PRDM16: variants seen among roughly 807,000 people sequenced by gnomAD.
The protein encoded by PRDM16 is histone-lysine N-methyltransferase PRDM16.
Under a neutral mutation model 110.6 loss-of-function variants are expected in PRDM16, and 23 were observed. The observed-to-expected ratio is 0.21, with a 90% CI of 0.15 to 0.29. The LOEUF (loss-of-function observed/expected upper bound fraction) is 0.29. Among genes scored for constraint, PRDM16 ranks in the 10% least tolerant of loss-of-function variants. The pLI is 1.00. For missense variants in PRDM16, 1,615 were observed against 1,794.3 expected (o/e 0.90, Z 1.81); for synonymous variants, 799 against 781.8 (o/e 1.02, Z -0.37).
In PRDM16 at chr1:3,175,842, T is replaced by A. The variant is rs796081903; in HGVS notation, c.38-10283T>A. ...GTCAAGGGCAGAGAGGAGCCAGGGT[T>A]GTGTTAATGGAGCTTCACGGCTAGG... is the stretch of plus-strand genomic sequence containing the variant. On this transcript the variant is annotated intron_variant, in intron 1 of 16. Coordinates refer to ENST00000270722, the MANE Select transcript of PRDM16 (RefSeq NM_022114.4). This position sits in a 1 kb window ranked among gnomAD's most constrained non-coding sequence, Gnocchi z 4.8. 1.9e-4 allele frequency among the ~76,000 whole-genome samples: 29 copies of A among 152,262 alleles called. No homozygotes were observed. The highest frequency in any genetic ancestry group is 7.0e-4 in the African/African-American group (29 of 41,548).
At chr1:3,131,173 C>T (rs1643328742) in intron 1 of PRDM16, among the ~76,000 whole-genome samples, 1 of 152,122 alleles carries the variant, frequency 6.6e-6, no homozygotes, top group South Asian at 2.1e-4. Context: ...CCTGATGATC[C>T]ATATCAAATA....
intron 1 of PRDM16, among the ~76,000 whole-genome samples, chr1:3,075,661 C>G (rs1641879771): frequency 6.6e-6 from 1 of 152,274 alleles, no homozygotes; most frequent in Admixed American, 6.5e-5. Context: ...GTGACTATTT[C>G]ATCTCCTCTG....
At position 3,148,078 on chromosome 1, in the gene PRDM16, C is replaced by T. The variant is rs760394410; in HGVS notation, c.38-38047C>T. 2.6e-5 allele frequency among the ~76,000 whole-genome samples: 4 copies of T among 152,156 alleles called. No homozygotes were observed. Among genetic ancestry groups the T allele is most frequent in the Non-Finnish European group, 5.9e-5 (4 of 68,038 alleles). On this transcript the variant is annotated intron_variant, in intron 1 of 16. Transcript: ENST00000270722. The surrounding 1 kb of genome is among the most constrained non-coding windows in gnomAD (Gnocchi z 5.0). ...ATTCAAGTTCGGCCTTTGGCGTCTT[C>T]TCTCGGGGGCCCTCTGTCCGCCTCA...
chr1:3,227,914 CTA>C (rs1419581931), intron 2 of PRDM16, among the ~76,000 whole-genome samples: 7 of 152,354 alleles, frequency 4.6e-5, no homozygotes, highest in South Asian at 4.1e-4. Context: ...GCCAACACCA[CTA>C]TGACCTACAC....
intron 1 of PRDM16, among the ~76,000 whole-genome samples, chr1:3,140,010 C>T (rs533420746): frequency 2.2e-4 from 33 of 152,378 alleles, no homozygotes; most frequent in African/African-American, 4.1e-4. Context: ...TCAGCCCCGG[C>T]GACGCATCTC....
Position 3,291,694 on chromosome 1 carries a change from C to T in PRDM16, c.438+47557C>T, listed in dbSNP as rs556414241. 3.6e-4 allele frequency among the ~76,000 whole-genome samples: 55 copies of T among 152,372 alleles called. 1 individual carries two copies. Among genetic ancestry groups the T allele is most frequent in the African/African-American group, 1.2e-3 (51 of 41,596 alleles). Reference sequence around the variant, plus strand: ...AAGCACCCGTGTTGGGTCAAGGCAGCTCTTGGCAGTGCGGGGGAGCTTGTT... The same window carrying T: ...AAGCACCCGTGTTGGGTCAAGGCAGTTCTTGGCAGTGCGGGGGAGCTTGTT... On this transcript the variant is annotated intron_variant, in intron 3 of 16. Transcript: ENST00000270722.
chr1:3,349,205 C>A (rs369165411), intron 3 of PRDM16, among the ~76,000 whole-genome samples: 1 of 152,202 alleles, frequency 6.6e-6, no homozygotes, highest in South Asian at 2.1e-4. Context: ...GCTGTCTGGG[C>A]GCAGCATTCC....
In PRDM16 at chr1:3,118,384, C is replaced by T. The variant is rs182000148; in HGVS notation, c.37+49088C>T. On this transcript the variant is annotated intron_variant, in intron 1 of 16. Transcript: ENST00000270722. ...GCACCCCCACCTGGCCCCTCGGAAG[C>T]GTGACAGCCATGGAGAGGGGCTCCT... Among the ~76,000 whole-genome samples, 30 of 152,274 alleles carry T rather than the reference C, an allele frequency of 2.0e-4. 1 individual carries two copies. Among genetic ancestry groups the T allele is most frequent in the Middle Eastern group, 3.4e-3 (1 of 292 alleles).
rs551279235 is a variant in PRDM16, at chr1:3,346,292, G to A, written c.439-38860G>A. Reference sequence around the variant, plus strand: ...CAGGACGTCTTGGAGGTGTTTGTGCGTCGAGTTCTGTGTGACATAGGCTGG... The same window carrying A: ...CAGGACGTCTTGGAGGTGTTTGTGCATCGAGTTCTGTGTGACATAGGCTGG... On this transcript the variant is annotated intron_variant, in intron 3 of 16. Coordinates refer to ENST00000270722, the MANE Select transcript of PRDM16 (RefSeq NM_022114.4). Among the ~76,000 whole-genome samples the A allele has an allele frequency of 4.7e-4, 71 of 152,348 alleles. 1 individual carries two copies. The highest frequency in any genetic ancestry group is 4.6e-4 in the Admixed American group (7 of 15,310).
At chr1:3,346,040 C>A (rs1169220868) in intron 3 of PRDM16, among the ~76,000 whole-genome samples, 2 of 152,244 alleles carry the variant, frequency 1.3e-5, no homozygotes, top group African/African-American at 4.8e-5. Flanking sequence ...GAGGGGCGGG[C>A]TCCAAGGAGA....
chr1:3,323,150 G>A lies in PRDM16; in HGVS notation c.439-62002G>A, dbSNP rs114956304. 5.4e-3 allele frequency among the ~76,000 whole-genome samples: 824 copies of A among 152,298 alleles called. 8 individuals are homozygous for A. The highest frequency in any genetic ancestry group is 0.019 in the African/African-American group (779 of 41,544). On this transcript the variant is annotated intron_variant, in intron 3 of 16. Coordinates refer to ENST00000270722, the MANE Select transcript of PRDM16 (RefSeq NM_022114.4). ...TACGCTATTGTCACCTTTTCAAACG[G>A]GGTTTCAAAAGGGTCTCAGGACTTA... is the stretch of plus-strand genomic sequence containing the variant.
intron 1 of PRDM16, among the ~76,000 whole-genome samples, chr1:3,103,433 G>A (rs1461387165): frequency 6.6e-6 from 1 of 152,236 alleles, no homozygotes; most frequent in Non-Finnish European, 1.5e-5. Flanking sequence ...CGCATTCTGA[G>A]CTCCTGGGGT....
intron 14 of PRDM16, among the ~76,000 whole-genome samples, chr1:3,429,487 T>C (rs745386850): frequency 3.0e-4 from 46 of 152,222 alleles, no homozygotes; most frequent in Admixed American, 1.4e-3. Flanking sequence ...GTGATGAGCC[T>C]GGGCTCTCAC....
intron 3 of PRDM16, among the ~76,000 whole-genome samples, chr1:3,372,634 T>A (rs1642925974): frequency 6.6e-6 from 1 of 152,250 alleles, no homozygotes; most frequent in African/African-American, 2.4e-5. Flanking sequence ...GTATCTCACT[T>A]GAGAATGTCA....
At chr1:3,216,104 T>G (rs1639025800) in intron 2 of PRDM16, among the ~76,000 whole-genome samples, 1 of 152,054 alleles carries the variant, frequency 6.6e-6, no homozygotes, top group Admixed American at 6.5e-5. Flanking sequence ...TCTCTGTCTC[T>G]TGTTTGGGAT....
chr1:3,114,499 C>T (rs1431295115), intron 1 of PRDM16, among the ~76,000 whole-genome samples: 3 of 150,136 alleles, frequency 2.0e-5, no homozygotes, highest in African/African-American at 4.9e-5. Flanking sequence ...CACGCACACA[C>T]GCGCATGCAC....
intron 5 of PRDM16, among the ~76,000 whole-genome samples, chr1:3,398,968 C>T (rs1301451600): frequency 3.3e-5 from 5 of 152,198 alleles, no homozygotes; most frequent in Non-Finnish European, 5.9e-5. Context: ...CCTGCCGTCC[C>T]GGGGCTGGAC....
At chr1:3,325,410 T>G (rs61511829) in intron 3 of PRDM16, among the ~76,000 whole-genome samples, 1 of 152,134 alleles carries the variant, frequency 6.6e-6, no homozygotes, top group African/African-American at 2.4e-5. Flanking sequence ...ACCGAGTCCT[T>G]GTGGCAGAGG....
Position 3,415,605 on chromosome 1 carries a change from C to T in PRDM16, c.2691+958C>T, listed in dbSNP as rs368154804. Among the ~76,000 whole-genome samples the T allele has an allele frequency of 9.8e-5, 15 of 152,360 alleles. No homozygotes were observed. In the East Asian group the frequency reaches 1.7e-3, roughly 18 times the overall value. Reference sequence around the variant, plus strand: ...CCACGAGCCAGCCAGGCGCATCCTGCGTTTGTTTGTGCGGGGAGCGAGGCC... The same window carrying T: ...CCACGAGCCAGCCAGGCGCATCCTGTGTTTGTTTGTGCGGGGAGCGAGGCC... On this transcript the variant is annotated intron_variant, in intron 10 of 16. Coordinates refer to ENST00000270722, the MANE Select transcript of PRDM16 (RefSeq NM_022114.4).
Sources: allele counts gnomAD v4.1 joint callset (sites outside exome capture counted in the v4.1 genomes callset), GRCh38; gene constraint gnomAD v4.1.1; non-coding constraint Gnocchi (gnomAD v3.1); transcripts MANE v1.5; gene names NCBI Gene and HGNC (gene_info 2026-07-23, HGNC 2026-07-21).